Variants in NEMP2 observed in about 807,000 individuals in gnomAD.
NEMP2 encodes UPF0571 transmembrane protein.
Under a neutral mutation model 54.2 loss-of-function variants are expected in NEMP2, and 53 were observed. The ratio of observed to expected loss-of-function variants is 0.98; its 90% CI spans 0.78 to 1.23. NEMP2 has a LOEUF of 1.23. Among genes scored for constraint, NEMP2 ranks in the 50% most tolerant of loss-of-function variants. NEMP2 has a pLI of 0.00. For synonymous variants in NEMP2, 197 were observed against 190.3 expected (o/e 1.04, Z -0.29); for missense variants, 455 against 511.3 (o/e 0.89, Z 1.06).
the NEMP2 span, among the ~76,000 whole-genome samples, chr2:190,549,619 A>G: frequency 6.6e-6 from 1 of 152,120 alleles, no homozygotes; most frequent in African/African-American, 2.4e-5. Flanking sequence ...GATGAATAGC[A>G]ATTATTACTT....
rs755961092 is a variant in NEMP2 at position 190,530,208 on chromosome 2, T to C, written c.97+4351A>G. On this transcript the variant is annotated intron_variant, in intron 1 of 8. Transcript: ENST00000409150. This position sits in a 1 kb window ranked among gnomAD's most constrained non-coding sequence, Gnocchi z 4.6. ...AGGTTGTCCTGACTGTTCATGCCTA[T>C]AGACACGCTAGTAAAAGCATGTTGC... Among the ~76,000 whole-genome samples the C allele has an allele frequency of 1.3e-5, 2 of 152,164 alleles. No homozygotes were observed. Among genetic ancestry groups the C allele is most frequent in the African/African-American group, 2.4e-5 (1 of 41,438 alleles).
chr2:190,443,640 C>T, the NEMP2 span, among the ~76,000 whole-genome samples: 1 of 152,102 alleles, frequency 6.6e-6, no homozygotes, highest in African/African-American at 2.4e-5. This position sits in a 1 kb window ranked among gnomAD's most constrained non-coding sequence, Gnocchi z 4.2. Context: ...AATTTTTCTC[C>T]CCAAATTTCT....
At chr2:190,500,490 G>A (rs1689975641), downstream of NEMP2, 1 of 409,206 alleles carries the variant, frequency 2.4e-6, no homozygotes, top group South Asian at 3.9e-5. The surrounding 1 kb of genome is among the most constrained non-coding windows in gnomAD (Gnocchi z 5.3). Flanking sequence ...GGTTAAGGAT[G>A]ATAGAATTTC....
chr2:190,546,203 C>T, the NEMP2 span, among the ~76,000 whole-genome samples: 2 of 152,134 alleles, frequency 1.3e-5, no homozygotes, highest in Non-Finnish European at 2.9e-5. The surrounding 1 kb of genome is among the most constrained non-coding windows in gnomAD (Gnocchi z 5.1). Context: ...CCTTACTCAA[C>T]CACAGACAGA....
At chr2:190,431,047 C>CTGCAATCTCGGCACTTTGGGAG in the NEMP2 span, among the ~76,000 whole-genome samples, 1 of 144,004 alleles carries the variant, frequency 6.9e-6, no homozygotes, top group East Asian at 2.1e-4. The surrounding 1 kb of genome is among the most constrained non-coding windows in gnomAD (Gnocchi z 4.4). Flanking sequence ...CGGGCAGAGG[C>CTGCAATCTCGGCACTTTGGGAG]GCTCCTCACC....
At chr2:190,517,366 C>A (rs975686823) in intron 5 of NEMP2, among the ~76,000 whole-genome samples, 154 bp downstream of exon 5, 1 of 151,666 alleles carries the variant, frequency 6.6e-6, no homozygotes, top group South Asian at 2.1e-4. Flanking sequence ...AAATCAGGAA[C>A]TCCAGAAAAA....
Position 190,508,947 on chromosome 2 carries a change from G to GT in NEMP2, c.*241dup, listed in dbSNP as rs1690262401. The GT allele has an allele frequency of 6.0e-6, 3 of 498,954 alleles. No individual in the cohort carries two copies. Among genetic ancestry groups the GT allele is most frequent in the Non-Finnish European group, 1.1e-5 (3 of 282,500 alleles). The allele number at this position is 498,954 out of a possible 1,614,324, so 30.9% of individuals were successfully genotyped here. On this transcript the variant is annotated 3_prime_UTR_variant, in exon 9 of 9. Coordinates refer to ENST00000409150, the MANE Select transcript of NEMP2 (RefSeq NM_001142645.2). The surrounding 1 kb of genome is among the most constrained non-coding windows in gnomAD (Gnocchi z 4.3). ...TTCCTAATGAAAGCCTTCATTCAAG[G>GT]TAAGTGGTAGTGGCTGTCACAGAAT...
At chr2:190,612,952 GTTGTTTAAT>G in the NEMP2 span, among the ~76,000 whole-genome samples, 4 of 151,684 alleles carry the variant, frequency 2.6e-5, no homozygotes, top group Non-Finnish European at 4.4e-5. Context: ...TGAAATATCT[GTTGTTTAAT>G]TTAATATAAC....
At chr2:190,633,408 G>T in the NEMP2 span, among the ~76,000 whole-genome samples, 1 of 151,470 alleles carries the variant, frequency 6.6e-6, no homozygotes, top group Non-Finnish European at 1.5e-5. Flanking sequence ...CTGCGTCTCG[G>T]GTTCAAGTGA....
chr2:190,581,566 G>A, the NEMP2 span, among the ~76,000 whole-genome samples: 3 of 152,160 alleles, frequency 2.0e-5, no homozygotes, highest in South Asian at 2.1e-4. Context: ...TTTAAAGTGC[G>A]TGCACATGAT....
rs1690668826 is a variant in NEMP2 at position 190,519,160 on chromosome 2, C to T, written c.237G>A (p.Leu79=). 6.5e-7 allele frequency: 1 copy of T among 1,547,272 alleles called. No homozygotes were observed. Residue 79 remains leucine (L), a synonymous_variant, in exon 3 of 9, where the codon CTG becomes CTA. Transcript: ENST00000409150. This position sits in a 1 kb window ranked among gnomAD's most constrained non-coding sequence, Gnocchi z 5.4. The stretch of plus-strand genomic sequence containing the variant: ...TTTCTGCGATATATACAATTCTGAA[C>T]AGGCCTGGACTGGTAATTTTCACCT... The part of the protein sequence containing the change: ...TMQVKITSPG[L]FRIVYIAERH...
In NEMP2 at chr2:190,533,988, A is replaced by G; in HGVS notation, c.97+571T>C. The G allele has an allele frequency of 1.0e-6, 1 of 985,336 alleles. No individual in the cohort carries two copies. 61.0% of individuals were successfully genotyped at this position (985,336 alleles called of 1,614,324 possible). ...CAGGCATTGTGCACACGAACACCAC[A>G]AGAACCTTGTGAGGCCTCATTACCT... On this transcript the variant is annotated intron_variant, in intron 1 of 8. Coordinates refer to ENST00000409150, the MANE Select transcript of NEMP2 (RefSeq NM_001142645.2). This position sits in a 1 kb window ranked among gnomAD's most constrained non-coding sequence, Gnocchi z 4.3.
At chr2:190,481,841 G>GCTGCTT in the NEMP2 span, among the ~76,000 whole-genome samples, 20 of 152,166 alleles carry the variant, frequency 1.3e-4, no homozygotes, top group African/African-American at 4.3e-4. Flanking sequence ...TGCTGCTGCT[G>GCTGCTT]CTGCTAAGTC....
chr2:190,468,934 G>A, the NEMP2 span, among the ~76,000 whole-genome samples: 4 of 152,112 alleles, frequency 2.6e-5, no homozygotes, highest in Non-Finnish European at 4.4e-5. Flanking sequence ...TACCATTAGG[G>A]TGTATTTTGT....
At chr2:190,441,526 G>C in the NEMP2 span, among the ~76,000 whole-genome samples, 1 of 152,038 alleles carries the variant, frequency 6.6e-6, no homozygotes, top group Non-Finnish European at 1.5e-5. Context: ...TCTCTTTCCA[G>C]CTCATGCAGC....
At chr2:190,559,600 C>T in the NEMP2 span, among the ~76,000 whole-genome samples, 6 of 152,278 alleles carry the variant, frequency 3.9e-5, no homozygotes, top group East Asian at 5.8e-4. The surrounding 1 kb of genome is among the most constrained non-coding windows in gnomAD (Gnocchi z 4.0). Context: ...AAGAAGAGGA[C>T]GTTTCAGGAG....
chr2:190,519,202 C>G lies in NEMP2; in HGVS notation c.214-19G>C, dbSNP rs1441985992. 1.4e-6 allele frequency: 2 copies of G among 1,472,958 alleles called. No homozygotes were observed. Among genetic ancestry groups the G allele is most frequent in the Non-Finnish European group, 1.8e-6 (2 of 1,082,726 alleles). 91.2% of individuals were successfully genotyped at this position (1,472,958 alleles called of 1,614,324 possible). ...TTTTCACCTGTAAAACAAGAACAAG[C>G]AAATCCATAAACAGAATAACTTCTC... On this transcript the variant is annotated intron_variant, in intron 2 of 8. Transcript: ENST00000409150. The surrounding 1 kb of genome is among the most constrained non-coding windows in gnomAD (Gnocchi z 5.4).
the NEMP2 span, among the ~76,000 whole-genome samples, chr2:190,546,172 CTG>C: frequency 5.3e-5 from 8 of 152,286 alleles, no homozygotes; most frequent in East Asian, 1.5e-3. This position sits in a 1 kb window ranked among gnomAD's most constrained non-coding sequence, Gnocchi z 5.1. Flanking sequence ...CCCTCCATAT[CTG>C]TGTGTTCCGC....
chr2:190,468,249 G>C, the NEMP2 span, among the ~76,000 whole-genome samples: 1 of 152,120 alleles, frequency 6.6e-6, no homozygotes, highest in Non-Finnish European at 1.5e-5. Context: ...AGATGACCCA[G>C]ACTTTTTGTA....
Sources: gnomAD v4.1 joint callset for allele counts (sites outside exome capture counted in the v4.1 genomes callset) on GRCh38, gnomAD v4.1.1 for gene constraint, Gnocchi (gnomAD v3.1) non-coding constraint, MANE v1.5 for transcripts, NCBI Gene and HGNC (gene_info 2026-07-23, HGNC 2026-07-21) for gene names.